The following IFI16 variants were observed in gnomAD, a reference collection of about 807,000 sequenced individuals.
IFI16 encodes the protein interferon gamma inducible protein 16.
In IFI16, 49 loss-of-function variants were observed where a neutral mutation model predicts 68.4. That is an observed-to-expected ratio of 0.72 (90% confidence interval 0.57 to 0.91). The LOEUF is 0.91. IFI16 is among the 40% of genes least tolerant of loss of function. IFI16 has a pLI of 0.00. For missense variants in IFI16, 878 were observed against 942.9 expected (o/e 0.93, Z 0.90); for synonymous variants, 307 against 315.0 (o/e 0.97, Z 0.27).
intron 7 of IFI16, among the ~76,000 whole-genome samples, chr1:159,036,741 G>A (rs1040880081): frequency 3.9e-5 from 6 of 152,078 alleles, no homozygotes; most frequent in Non-Finnish European, 7.4e-5. Flanking sequence ...GTGTTCATCT[G>A]CACCCAATAA....
At chr1:159,054,263 C>G (rs1031383196) in intron 11 of IFI16, among the ~76,000 whole-genome samples, 1 of 152,190 alleles carries the variant, frequency 6.6e-6, no homozygotes, top group East Asian at 1.9e-4. Context: ...GTCTACATAA[C>G]AAAGTCCATG....
upstream of IFI16, among the ~76,000 whole-genome samples, chr1:159,008,806 C>A (rs9887904): frequency 0.13 from 19,671 of 152,176 alleles, 1,421 homozygotes; most frequent in African/African-American, 0.17. Context: ...CATATGGTTT[C>A]AAATCCAGAA....
upstream of IFI16, among the ~76,000 whole-genome samples, chr1:159,007,499 T>C (rs112068636): frequency 0.014 from 2,166 of 152,296 alleles, 51 homozygotes; most frequent in African/African-American, 0.05. Context: ...TGGTTTGAAT[T>C]TGGCTCCAAC....
At chr1:159,015,769 G>T in intron 2 of IFI16, 103 bp from the exon 3 acceptor site, 1 of 821,424 alleles carries the variant, frequency 1.2e-6, no homozygotes, top group South Asian at 1.6e-5. Flanking sequence ...CCTCAAGCAG[G>T]AACTGAGAGC....
chr1:159,021,864 G>A (rs1653339860), intron 6 of IFI16, among the ~76,000 whole-genome samples: 1 of 150,146 alleles, frequency 6.7e-6, no homozygotes, highest in African/African-American at 2.5e-5. Context: ...GATGTTGAGC[G>A]TTTTTCCTTA....
intron 2 of IFI16, among the ~76,000 whole-genome samples, chr1:159,015,338 T>A (rs982238296): frequency 6.6e-6 from 1 of 152,254 alleles, no homozygotes; most frequent in Middle Eastern, 3.4e-3. Flanking sequence ...CTTTATAATT[T>A]AAAAAAATGC....
In IFI16 at chr1:159,016,622, C is replaced by T. The variant is rs201986350; in HGVS notation, c.471C>T (p.Ala157=). The T allele has an allele frequency of 2.3e-5, 37 of 1,614,126 alleles. No homozygotes were observed. The highest frequency in any genetic ancestry group is 1.6e-4 in the Middle Eastern group (1 of 6,062). Residue 157 remains alanine (A), a synonymous_variant, in exon 4 of 12, where the codon GCC becomes GCT. Transcript: ENST00000295809. ...EQTQPPSPAG[A]GMSTAMGRSP... The stretch of plus-strand genomic sequence containing the variant: ...CTCAGCCTCCCTCTCCTGCAGGAGC[C>T]GGCATGTCCACAGCCATGGGCCGTT...
chr1:159,049,632 C>G (rs749150971), intron 9 of IFI16, 33 bp downstream of exon 9: 6 of 1,612,932 alleles, frequency 3.7e-6, no homozygotes, highest in South Asian at 2.2e-5. Flanking sequence ...ACATTCCCCT[C>G]GCTACTATAT....
In IFI16 at chr1:159,020,530, G is replaced by A. The variant is rs1255634107; in HGVS notation, c.1161+1G>A. On this transcript the variant is annotated splice_donor_variant, in intron 6 of 11. Transcript: ENST00000295809. LOFTEE classifies it high-confidence loss of function. ...TTCAGAAATGCATAGTTTTATCCAG[G>A]TAAGAATTAAATAGGCAAATATTAG... The A allele has an allele frequency of 1.9e-6, 3 of 1,594,866 alleles. No individual in the cohort carries two copies. Among genetic ancestry groups the A allele is most frequent in the Non-Finnish European group, 2.6e-6 (3 of 1,168,558 alleles).
chr1:159,003,786 G>C (rs150062078), upstream of IFI16, among the ~76,000 whole-genome samples: 4,962 of 151,858 alleles, frequency 0.033, 284 homozygotes, highest in East Asian at 0.23. Flanking sequence ...TCAGCCTCCC[G>C]AGTAGCTGGG....
chr1:159,021,892 C>T (rs1461740705), intron 6 of IFI16, among the ~76,000 whole-genome samples: 4 of 147,546 alleles, frequency 2.7e-5, no homozygotes, highest in Non-Finnish European at 6.0e-5. Flanking sequence ...TGGCCATTTA[C>T]ATATCTTCTT....
chr1:159,047,182 C>T (rs546907977), intron 8 of IFI16, among the ~76,000 whole-genome samples: 6 of 151,376 alleles, frequency 4.0e-5, no homozygotes, highest in East Asian at 1.9e-4. Context: ...AAGCTACCCC[C>T]GGCCCAGGTT....
At chr1:159,054,550 C>A (rs191290780) in intron 11 of IFI16, among the ~76,000 whole-genome samples, 5 of 152,290 alleles carry the variant, frequency 3.3e-5, no homozygotes, top group African/African-American at 7.2e-5. Flanking sequence ...CTTTCTCTCT[C>A]CTGTTGTTCC....
intron 6 of IFI16, among the ~76,000 whole-genome samples, chr1:159,028,983 A>G (rs1653833718): frequency 6.6e-6 from 1 of 152,162 alleles, no homozygotes; most frequent in Admixed American, 6.5e-5. Flanking sequence ...GGCCATTTAT[A>G]TTCAATGTTA....
At chr1:159,016,056 A>T in intron 3 of IFI16, 69 bp downstream of exon 3, 1 of 952,680 alleles carries the variant, frequency 1.0e-6, no homozygotes, top group South Asian at 1.4e-5. Context: ...CTTCCACTCA[A>T]TCTCTCCAGC....
upstream of IFI16, among the ~76,000 whole-genome samples, chr1:159,003,000 C>T (rs963572811): frequency 6.6e-6 from 1 of 152,202 alleles, no homozygotes; most frequent in Non-Finnish European, 1.5e-5. Context: ...TATCTATCTA[C>T]TTGTAGAATG....
chr1:159,023,608 G>T (rs1653471659), intron 6 of IFI16, among the ~76,000 whole-genome samples: 1 of 151,970 alleles, frequency 6.6e-6, no homozygotes, highest in African/African-American at 2.4e-5. Context: ...CCTTTGGCCT[G>T]CAGTGTCTTG....
chr1:159,045,488 C>G (rs778339263), intron 8 of IFI16, 24 bp downstream of exon 8: 1 of 1,606,690 alleles, frequency 6.2e-7, no homozygotes, highest in Non-Finnish European at 8.5e-7. Context: ...CTTCCCAATA[C>G]ATTCCCCTCA....
At chr1:159,027,051 TC>T (rs537717222) in intron 6 of IFI16, among the ~76,000 whole-genome samples, 124 of 152,350 alleles carry the variant, frequency 8.1e-4, no homozygotes, top group African/African-American at 2.8e-3. Flanking sequence ...GGCTAGGACT[TC>T]CATTACTATG....
Sources: gnomAD v4.1 joint callset for allele counts (sites outside exome capture counted in the v4.1 genomes callset) on GRCh38, gnomAD v4.1.1 for gene constraint, MANE v1.5 for transcripts, NCBI Gene and HGNC (gene_info 2026-07-23, HGNC 2026-07-21) for gene names.